ERBB4: variants seen among roughly 807,000 people sequenced by gnomAD.
ERBB4 encodes the protein erb-b2 receptor tyrosine kinase 4, also known as receptor tyrosine-protein kinase erbB-4.
ERBB4 carries 42 observed loss-of-function variants against 158.0 expected under a neutral mutation model. The observed-to-expected ratio is 0.27, with a 90% CI of 0.21 to 0.34. The LOEUF (loss-of-function observed/expected upper bound fraction) is 0.34, where lower values mean the gene tolerates loss of function less well. Among genes scored for constraint, ERBB4 ranks in the 10% least tolerant of loss-of-function variants. ERBB4 has a pLI of 1.00. For synonymous variants in ERBB4, 583 were observed against 558.7 expected (o/e 1.04, Z -0.61); for missense variants, 1,333 against 1,624.1 (o/e 0.82, Z 3.08).
At chr2:212,513,639 G>A (rs1159682138) in intron 1 of ERBB4, among the ~76,000 whole-genome samples, 3 of 152,084 alleles carry the variant, frequency 2.0e-5, no homozygotes, top group African/African-American at 7.2e-5. Flanking sequence ...GGTGAAGCCC[G>A]TCTCTACTAA....
chr2:212,465,568 G>A (rs1163071794), intron 1 of ERBB4, among the ~76,000 whole-genome samples: 2 of 152,112 alleles, frequency 1.3e-5, no homozygotes, highest in East Asian at 3.8e-4. Context: ...GATCACTAAA[G>A]CATATGAAAA....
intron 1 of ERBB4, among the ~76,000 whole-genome samples, chr2:212,331,089 C>A (rs1232145036): frequency 2.0e-5 from 1 of 50,402 alleles, no homozygotes; most frequent in Non-Finnish European, 6.2e-5. Context: ...TATATATATG[C>A]CCATAACACT....
intron 2 of ERBB4, among the ~76,000 whole-genome samples, chr2:212,028,609 G>A (rs1213445532): frequency 2.0e-5 from 3 of 152,188 alleles, no homozygotes; most frequent in African/African-American, 4.8e-5. Context: ...CCACTAAAAA[G>A]CTAACAGACT....
intron 3 of ERBB4, among the ~76,000 whole-genome samples, chr2:211,944,208 A>ATATATATATAG (rs1559155364): frequency 1.5e-3 from 29 of 19,462 alleles, no homozygotes; most frequent in Non-Finnish European, 2.8e-3. Flanking sequence ...TACTATATAT[A>ATATATATATAG]TATATACACA....
chr2:211,731,445 T>C (rs1211425152), intron 5 of ERBB4, among the ~76,000 whole-genome samples: 1 of 152,088 alleles, frequency 6.6e-6, no homozygotes, highest in Non-Finnish European at 1.5e-5. Flanking sequence ...AAGGGAGAAA[T>C]ACTTGGGTTA....
chr2:211,670,057 A>G (rs933270712), intron 14 of ERBB4, among the ~76,000 whole-genome samples: 1 of 152,224 alleles, frequency 6.6e-6, no homozygotes, highest in Non-Finnish European at 1.5e-5. Context: ...CAGGAATGGG[A>G]TTTCCAAATG....
At chr2:211,493,403 T>C (rs375764977) in intron 20 of ERBB4, among the ~76,000 whole-genome samples, 15 of 152,138 alleles carry the variant, frequency 9.9e-5, no homozygotes, top group African/African-American at 3.6e-4. Flanking sequence ...ATGTTGCAAT[T>C]AACATCTGGC....
At chr2:212,058,886 AG>A (rs2077668409) in intron 2 of ERBB4, among the ~76,000 whole-genome samples, 1 of 152,204 alleles carries the variant, frequency 6.6e-6, no homozygotes, top group Non-Finnish European at 1.5e-5. Context: ...GGCACAAGAC[AG>A]GGATGCCCTC....
intron 2 of ERBB4, among the ~76,000 whole-genome samples, chr2:212,064,230 T>A (rs1269099154): frequency 6.6e-6 from 1 of 152,140 alleles, no homozygotes; most frequent in African/African-American, 2.4e-5. Flanking sequence ...CAGGTATGTC[T>A]AGCATATTAT....
chr2:212,415,791 T>C (rs746324922), intron 1 of ERBB4, among the ~76,000 whole-genome samples: 1 of 152,108 alleles, frequency 6.6e-6, no homozygotes, highest in Non-Finnish European at 1.5e-5. Flanking sequence ...ATTCTCCTCT[T>C]TAAAATAATT....
intron 1 of ERBB4, 196 bp from the exon 2 acceptor site, chr2:212,125,099 T>C (rs1396350569): frequency 1.6e-6 from 1 of 609,256 alleles, no homozygotes; most frequent in Admixed American, 2.5e-5. Flanking sequence ...TTACATGTGC[T>C]AATCACAGAG....
intron 3 of ERBB4, among the ~76,000 whole-genome samples, chr2:211,809,612 CA>C: frequency 6.6e-6 from 1 of 152,164 alleles, no homozygotes; most frequent in African/African-American, 2.4e-5. Flanking sequence ...AGCAGTCTAT[CA>C]ATTTTGTTGA....
intron 19 of ERBB4, among the ~76,000 whole-genome samples, chr2:211,577,782 C>A (rs951219686): frequency 3.9e-5 from 6 of 152,068 alleles, no homozygotes; most frequent in Admixed American, 6.6e-5. Flanking sequence ...TAAAAACTCT[C>A]AATAAACTAG....
chr2:211,521,334 A>G (rs2066180262), intron 20 of ERBB4, among the ~76,000 whole-genome samples: 1 of 152,202 alleles, frequency 6.6e-6, no homozygotes, highest in Non-Finnish European at 1.5e-5. Flanking sequence ...TAGATCGATC[A>G]AACCAGCCAC....
At chr2:212,277,890 A>G (rs1446629810) in intron 1 of ERBB4, among the ~76,000 whole-genome samples, 1 of 151,684 alleles carries the variant, frequency 6.6e-6, no homozygotes. Flanking sequence ...TTCAGGTTAT[A>G]TTTTGGAAAT....
intron 18 of ERBB4, among the ~76,000 whole-genome samples, chr2:211,621,528 G>A (rs1275551628): frequency 6.6e-6 from 1 of 152,018 alleles, no homozygotes; most frequent in African/African-American, 2.4e-5. Context: ...ACAAATAAAT[G>A]CTCTTAATAC....
At chr2:212,493,775 T>A (rs917157597) in intron 1 of ERBB4, among the ~76,000 whole-genome samples, 5 of 151,796 alleles carry the variant, frequency 3.3e-5, no homozygotes, top group African/African-American at 1.2e-4. Context: ...TGTAATGTCT[T>A]CATTACAAAA....
At chr2:211,804,625 A>G (rs189257384) in intron 3 of ERBB4, among the ~76,000 whole-genome samples, 476 of 152,280 alleles carry the variant, frequency 3.1e-3, no homozygotes, top group Non-Finnish European at 5.3e-3. Context: ...ATAGCTGCCC[A>G]TTGTGGGGTT....
chr2:212,490,957 T>C (rs1296801356), intron 1 of ERBB4, among the ~76,000 whole-genome samples: 2 of 151,760 alleles, frequency 1.3e-5, no homozygotes, highest in Non-Finnish European at 3.0e-5. Flanking sequence ...CAATCCAATT[T>C]CTTATTCTTT....
Sources: allele counts gnomAD v4.1 joint callset (sites outside exome capture counted in the v4.1 genomes callset), GRCh38; gene constraint gnomAD v4.1.1; transcripts MANE v1.5; gene names NCBI Gene and HGNC (gene_info 2026-07-23, HGNC 2026-07-21).